The following RAB6A variants were observed in gnomAD, a reference collection of about 807,000 sequenced individuals.
RAB6A encodes the protein ras-related protein Rab-6A.
RAB6A carries 8 observed loss-of-function variants against 32.3 expected under a neutral mutation model. The observed-to-expected ratio is 0.25, with a 90% CI of 0.15 to 0.45. The LOEUF (loss-of-function observed/expected upper bound fraction) is 0.45, where lower values mean the gene tolerates loss of function less well. Ranked by LOEUF, RAB6A falls within the 20% of genes least tolerant of loss-of-function variation. The probability of loss-of-function intolerance (pLI) is 1.00; values close to 1 mark genes in which losing one functional copy is unlikely to be tolerated. For synonymous variants in RAB6A, 73 were observed against 82.1 expected (o/e 0.89, Z 0.60); for missense variants, 104 against 249.4 (o/e 0.42, Z 3.93).
intron 6 of RAB6A, among the ~76,000 whole-genome samples, chr11:73,687,980 T>G (rs926171358): frequency 6.6e-6 from 1 of 152,228 alleles, no homozygotes. Context: ...ACAGAAGAGA[T>G]AGTGTCTTTC....
At chr11:73,695,287 T>C (rs1394092779) in intron 6 of RAB6A, among the ~76,000 whole-genome samples, 3 of 151,972 alleles carry the variant, frequency 2.0e-5, no homozygotes, top group Non-Finnish European at 2.9e-5. Context: ...GCTTCTGCCA[T>C]ATTAGGAATC....
intron 1 of RAB6A, among the ~76,000 whole-genome samples, chr11:73,745,467 G>A (rs77451181): frequency 0.021 from 3,204 of 152,196 alleles, 113 homozygotes; most frequent in African/African-American, 0.072. Context: ...GACACAGGCC[G>A]GGTGCAGTGA....
chr11:73,707,142 A>C (rs1038495551), intron 6 of RAB6A, among the ~76,000 whole-genome samples: 1 of 150,588 alleles, frequency 6.6e-6, no homozygotes, highest in Non-Finnish European at 1.5e-5. Flanking sequence ...AAAAAAAAAA[A>C]GAAAAGAAAA....
At chr11:73,700,097 A>C (rs780592164) in intron 6 of RAB6A, among the ~76,000 whole-genome samples, 3 of 152,178 alleles carry the variant, frequency 2.0e-5, no homozygotes, top group Non-Finnish European at 2.9e-5. Context: ...GTTGAAGATC[A>C]AGGAGTTTTT....
intron 6 of RAB6A, among the ~76,000 whole-genome samples, chr11:73,689,604 CTCTT>C (rs1450488040): frequency 2.0e-5 from 3 of 152,190 alleles, no homozygotes; most frequent in Non-Finnish European, 1.5e-5. Context: ...CTTTAGATAA[CTCTT>C]TCAACCAATT....
chr11:73,677,954 T>G lies in RAB6A; in HGVS notation c.571A>C (p.Ile191Leu). The G allele has an allele frequency of 6.2e-7, 1 of 1,614,218 alleles. No homozygotes were observed. Among genetic ancestry groups the G allele is most frequent in the East Asian group, 2.2e-5 (1 of 44,886 alleles). The part of the protein sequence containing the change: ...QDRSREDMID[I>L]KLEKPQEQPV... ...TGCTCCTGAGGCTTTTCCAGTTTTA[T>G]GTCAATCACTGAAACAAAAGTTAAG... The change falls in exon 8 of 8, where the codon ATA becomes CTA. Residue 191 changes from isoleucine to leucine, a missense_variant. Ile to Leu is a conservative substitution (Grantham distance 5). Around this residue, in one of 4 missense-constraint regions of RAB6A, gnomAD observed 33 missense variants for 59.5 expected, o/e 0.55. Coordinates refer to ENST00000336083, the MANE Select transcript of RAB6A (RefSeq NM_198896.2).
intron 5 of RAB6A, among the ~76,000 whole-genome samples, chr11:73,709,774 A>G (rs1945912196): frequency 6.7e-6 from 1 of 149,340 alleles, no homozygotes. Context: ...AGACAGAGCT[A>G]GAAAATATTA....
intron 6 of RAB6A, among the ~76,000 whole-genome samples, chr11:73,691,266 T>TG (rs912113446): frequency 5.9e-5 from 9 of 152,166 alleles, no homozygotes; most frequent in African/African-American, 2.2e-4. Context: ...TGAGAGAATG[T>TG]GGGGGTTCCC....
In RAB6A at chr11:73,761,009, G is replaced by A. The variant is rs900641353; in HGVS notation, c.-374C>T. ...GAGCCGGAACCGCAGACGTATCTGG[G>A]ACCTCTCACGCGCAGCGCCTGAGCT... On this transcript the variant is annotated 5_prime_UTR_variant, in exon 1 of 8. Transcript: ENST00000336083. The A allele has an allele frequency of 1.0e-5, 2 of 195,656 alleles. No individual in the cohort carries two copies. The highest frequency in any genetic ancestry group is 2.2e-5 in the Non-Finnish European group (2 of 91,806). The allele number at this position is 195,656 out of a possible 1,614,324, so 12.1% of individuals were successfully genotyped here.
rs138858955 is a variant in RAB6A at position 73,710,804 on chromosome 11, G to A, written c.402-3291C>T. On this transcript the variant is annotated intron_variant, in intron 5 of 7. Coordinates refer to ENST00000336083, the MANE Select transcript of RAB6A (RefSeq NM_198896.2). ...CTTGCTCTGTTGCACATATAAGTGC[G>A]GTGGCAGGATTGTAGCTCACTGTAA... Among the ~76,000 whole-genome samples the A allele has an allele frequency of 7.3e-5, 11 of 151,188 alleles. 1 individual carries two copies. The highest frequency in any genetic ancestry group is 5.8e-4 in the East Asian group (3 of 5,142).
intron 4 of RAB6A, 139 bp downstream of exon 4, chr11:73,718,474 G>T: frequency 1.4e-6 from 1 of 718,690 alleles, no homozygotes; most frequent in East Asian, 2.8e-5. Context: ...AAATATTTCT[G>T]ACCTGGCTGG....
At chr11:73,746,857 C>CTAAA in intron 1 of RAB6A, among the ~76,000 whole-genome samples, 1 of 151,924 alleles carries the variant, frequency 6.6e-6, no homozygotes, top group African/African-American at 2.4e-5. Context: ...AACCATGAGA[C>CTAAA]AAGTTAGTTA....
chr11:73,678,485 C>T (rs1270057041), intron 7 of RAB6A, among the ~76,000 whole-genome samples: 2 of 151,800 alleles, frequency 1.3e-5, no homozygotes. Context: ...GGCATGGTGG[C>T]TCATGCCTGT....
chr11:73,760,551 GAGC>G lies in RAB6A; in HGVS notation c.70+12_70+14del. On this transcript the variant is annotated intron_variant, in intron 1 of 7. Coordinates refer to ENST00000336083, the MANE Select transcript of RAB6A (RefSeq NM_198896.2). Reference sequence around the variant, plus strand: ...CTGCGGCCAGCTGCCAGGAGTAGGGGAGCCACGCACTCACCGCTTTGCTCCCCC... The same window carrying G: ...CTGCGGCCAGCTGCCAGGAGTAGGGGCACGCACTCACCGCTTTGCTCCCCC... 1 of 1,598,934 alleles carries G rather than the reference GAGC, an allele frequency of 6.3e-7. No homozygotes were observed. Among genetic ancestry groups the G allele is most frequent in the Non-Finnish European group, 8.5e-7 (1 of 1,173,296 alleles).
chr11:73,745,266 CAG>C (rs1449236343), intron 1 of RAB6A, among the ~76,000 whole-genome samples: 1 of 152,142 alleles, frequency 6.6e-6, no homozygotes, highest in Non-Finnish European at 1.5e-5. Flanking sequence ...GCTGTATACT[CAG>C]AGAGTCAGTT....
At chr11:73,732,620 G>A (rs911460288) in intron 1 of RAB6A, among the ~76,000 whole-genome samples, 19 of 151,954 alleles carry the variant, frequency 1.3e-4, no homozygotes, top group African/African-American at 3.9e-4. Context: ...TCAGCCGGGC[G>A]TGGGGGAGTG....
At chr11:73,721,666 T>G (rs951189448) in intron 2 of RAB6A, among the ~76,000 whole-genome samples, 1 of 152,128 alleles carries the variant, frequency 6.6e-6, no homozygotes, top group African/African-American at 2.4e-5. Flanking sequence ...AGAAAGAGGA[T>G]GTTGATATGG....
intron 6 of RAB6A, among the ~76,000 whole-genome samples, chr11:73,704,736 C>G (rs1007679228): frequency 1.3e-4 from 19 of 151,086 alleles, no homozygotes; most frequent in African/African-American, 4.4e-4. Context: ...GTGGCTCACA[C>G]CTGTAATCCC....
intron 6 of RAB6A, among the ~76,000 whole-genome samples, chr11:73,700,142 TATA>T (rs1472272699): frequency 2.0e-5 from 3 of 152,214 alleles, no homozygotes; most frequent in Non-Finnish European, 2.9e-5. Context: ...CTACAAAATA[TATA>T]ATAAGGTGAC....
Sources: allele counts gnomAD v4.1 joint callset (sites outside exome capture counted in the v4.1 genomes callset), GRCh38; gene constraint gnomAD v4.1.1; regional missense constraint gnomAD v4.1.1; transcripts MANE v1.5; gene names NCBI Gene and HGNC (gene_info 2026-07-23, HGNC 2026-07-21).